Variants in KIF1A observed in about 807,000 individuals in gnomAD.
KIF1A encodes kinesin-like protein KIF1A.
A neutral mutation model predicts 227.3 loss-of-function variants in KIF1A; 46 were observed. That is an observed-to-expected ratio of 0.20 (90% CI 0.16 to 0.26). The LOEUF is 0.26. Ranked by LOEUF, KIF1A falls within the 10% of genes least tolerant of loss-of-function variation. The probability of loss-of-function intolerance (pLI) is 1.00; values close to 1 mark genes in which losing one functional copy is unlikely to be tolerated. For missense variants in KIF1A, 1,683 were observed against 2,485.9 expected (o/e 0.68, Z 6.87); for synonymous variants, 1,022 against 1,012.8 (o/e 1.01, Z -0.17).
intron 27 of KIF1A, among the ~76,000 whole-genome samples, chr2:240,756,487 A>G (rs965243712): frequency 6.6e-6 from 1 of 152,184 alleles, no homozygotes; most frequent in African/African-American, 2.4e-5. Context: ...CCCAGCCTCC[A>G]TTCTGTCTCC....
intron 38 of KIF1A, among the ~76,000 whole-genome samples, chr2:240,734,148 C>T (rs1311870407): frequency 6.6e-6 from 1 of 152,276 alleles, no homozygotes; most frequent in Non-Finnish European, 1.5e-5. Flanking sequence ...GTCCCTCCTC[C>T]TGGCCTGGCC....
chr2:240,758,932 C>T lies in KIF1A; in HGVS notation c.2445-435G>A, dbSNP rs1336957469. 2.6e-5 allele frequency among the ~76,000 whole-genome samples: 4 copies of T among 152,144 alleles called. No homozygotes were observed. The highest frequency in any genetic ancestry group is 4.4e-5 in the Non-Finnish European group (3 of 68,030). On this transcript the variant is annotated intron_variant, in intron 25 of 48. Transcript: ENST00000498729. The surrounding 1 kb of genome is among the most constrained non-coding windows in gnomAD (Gnocchi z 5.2). ...GGGACACAGAAGACAGAGAAAATAG[C>T]CTACAAATTATTATTCCCAAGAAAA...
chr2:240,767,369 C>G (rs2051337902), intron 17 of KIF1A, 24 bp from the exon 18 acceptor site: 1 of 1,600,074 alleles, frequency 6.2e-7, no homozygotes, highest in African/African-American at 1.3e-5. Context: ...GGAGGATCAT[C>G]TCTCTTGCAG....
chr2:240,720,994 G>A lies in KIF1A; in HGVS notation c.4788C>T (p.Ser1596=), dbSNP rs1441448320. 2.5e-6 allele frequency: 4 copies of A among 1,610,418 alleles called. No homozygotes were observed. Among genetic ancestry groups the A allele is most frequent in the African/African-American group, 2.7e-5 (2 of 74,920 alleles). ...GGGTGAGAGTGGCCACCCCTAGAGG[G>A]GACATCGACGGGTCCCGGAGCAGGG... The part of the protein sequence containing the change: ...SVTLLRDPSM[S]PLGVATLTPS... The change falls in exon 45 of 49, where the codon TCC becomes TCT. Residue 1596 remains serine (S), a synonymous_variant. Coordinates refer to ENST00000498729, the MANE Select transcript of KIF1A (RefSeq NM_001244008.2).
intron 29 of KIF1A, among the ~76,000 whole-genome samples, chr2:240,746,428 G>A (rs1004173425): frequency 1.3e-5 from 2 of 152,212 alleles, no homozygotes; most frequent in Non-Finnish European, 2.9e-5. Flanking sequence ...AGCTGTCCTG[G>A]AAACAACTCA....
chr2:240,821,084 G>A (rs1267268085), upstream of KIF1A, among the ~76,000 whole-genome samples: 1 of 151,508 alleles, frequency 6.6e-6, no homozygotes, highest in African/African-American at 2.4e-5. Flanking sequence ...CCCAGGGCTG[G>A]GCAACTTCGA....
rs545957742 is a variant in KIF1A, at chr2:240,797,836, T to A, written c.-60-24A>T. On this transcript the variant is annotated intron_variant, in intron 1 of 48. Coordinates refer to ENST00000498729, the MANE Select transcript of KIF1A (RefSeq NM_001244008.2). ...ACCTTGGAAAAAAGGGAAACATGAA[T>A]TAGAAACAATATCTGAGGAGGCAGG... 2.4e-3 allele frequency: 1,963 copies of A among 810,072 alleles called. 10 individuals are homozygous for A. The highest frequency in any genetic ancestry group is 0.011 in the Middle Eastern group (47 of 4,408). The allele number at this position is 810,072 out of a possible 1,614,324, so 50.2% of individuals were successfully genotyped here.
At chr2:240,755,419 G>A (rs1347572845) in intron 27 of KIF1A, among the ~76,000 whole-genome samples, 1 of 152,222 alleles carries the variant, frequency 6.6e-6, no homozygotes, top group African/African-American at 2.4e-5. Context: ...GGGACCCAGG[G>A]AAGCCTTTCC....
chr2:240,741,198 A>G lies in KIF1A; in HGVS notation c.3749+71T>C, dbSNP rs973932004. ...GATGCTGGCAACCCTCAGGCAGCTCAAGTCCTCGTCCCTCTCCGCGCACCC... is the reference window on the plus strand; with the variant it reads ...GATGCTGGCAACCCTCAGGCAGCTCGAGTCCTCGTCCCTCTCCGCGCACCC... On this transcript the variant is annotated intron_variant, in intron 35 of 48. Coordinates refer to ENST00000498729, the MANE Select transcript of KIF1A (RefSeq NM_001244008.2). 23 of 1,052,356 alleles carry G rather than the reference A, an allele frequency of 2.2e-5. No homozygotes were observed. The African/African-American group carries it at 2.5e-4, about 12-fold the overall frequency. The allele number at this position is 1,052,356 out of a possible 1,614,324, so 65.2% of individuals were successfully genotyped here.
chr2:240,796,661 A>C (rs1263942136), intron 2 of KIF1A, among the ~76,000 whole-genome samples: 1 of 152,230 alleles, frequency 6.6e-6, no homozygotes, highest in Admixed American at 6.5e-5. Flanking sequence ...CATACCCTGG[A>C]GTTTAGCAGG....
Position 240,782,623 on chromosome 2 carries a change from C to T in KIF1A, c.865-16G>A. 6.4e-7 allele frequency: 1 copy of T among 1,551,712 alleles called. No individual in the cohort carries two copies. Reference sequence around the variant, plus strand: ...GTCCGGAGTCCTGAAAAGGAAAAGACAGAGAGAGGCTGAGGCCCGGAGCGA... The same window carrying T: ...GTCCGGAGTCCTGAAAAGGAAAAGATAGAGAGAGGCTGAGGCCCGGAGCGA... On this transcript the variant is annotated splice_polypyrimidine_tract_variant and intron_variant, in intron 9 of 48. Transcript: ENST00000498729.
chr2:240,779,114 T>C (rs2053188845), intron 10 of KIF1A, among the ~76,000 whole-genome samples: 1 of 147,290 alleles, frequency 6.8e-6, no homozygotes, highest in Non-Finnish European at 1.5e-5. Flanking sequence ...CCTCACTCAG[T>C]TCCTCATAGT....
At position 240,761,332 on chromosome 2, in the gene KIF1A, C is replaced by T. The variant is rs1159860840; in HGVS notation, c.2162G>A (p.Arg721Gln). 15 of 1,613,530 alleles carry T rather than the reference C, an allele frequency of 9.3e-6. No individual in the cohort carries two copies. Among genetic ancestry groups the T allele is most frequent in the Non-Finnish European group, 1.0e-5 (12 of 1,179,660 alleles). ...RECELALWAFRKWKWYQFTSL... is the reference protein window; with the variant it reads ...RECELALWAFQKWKWYQFTSL... ...CGTGAACTGGTACCACTTCCACTTC[C>T]GGAAGGCCCAGAGCGCCAGCTCACA... The change falls in exon 24 of 49, where the codon CGG (arginine) becomes CAG (glutamine). Residue 721 changes from arginine (R) to glutamine (Q), a missense_variant. Physicochemically the swap from Arg to Gln is conservative, Grantham distance 43. Around this residue, in one of 12 missense-constraint regions of KIF1A, gnomAD observed 217 missense variants for 427.0 expected, o/e 0.51. Transcript: ENST00000498729.
intron 10 of KIF1A, among the ~76,000 whole-genome samples, chr2:240,780,421 C>A (rs912013224): frequency 6.6e-6 from 1 of 152,100 alleles, no homozygotes; most frequent in African/African-American, 2.4e-5. Flanking sequence ...ACACACTTCC[C>A]GCCTGCTTCC....
intron 27 of KIF1A, among the ~76,000 whole-genome samples, chr2:240,753,024 C>T (rs542357522): frequency 2.6e-4 from 39 of 152,338 alleles, no homozygotes; most frequent in Non-Finnish European, 5.1e-4. Context: ...TAGGGCAATT[C>T]CACAGGGGCT....
At chr2:240,743,034 G>A (rs775209513) in intron 33 of KIF1A, 50 bp from the exon 34 acceptor site, 8 of 1,473,158 alleles carry the variant, frequency 5.4e-6, no homozygotes, top group Non-Finnish European at 2.8e-6. Context: ...TGGGCGGGAG[G>A]GGTCAGAAGG....
intron 12 of KIF1A, among the ~76,000 whole-genome samples, chr2:240,773,896 G>A (rs1413803435): frequency 6.6e-6 from 1 of 152,160 alleles, no homozygotes; most frequent in Non-Finnish European, 1.5e-5. Flanking sequence ...GCAGGTGAGT[G>A]TAAACTGCTT....
intron 31 of KIF1A, 53 bp from the exon 32 acceptor site, chr2:240,745,570 C>A (rs2048495633): frequency 2.0e-6 from 3 of 1,533,896 alleles, no homozygotes. Flanking sequence ...GGGATGAGAC[C>A]TTACCAGGTG....
rs547232391 is a variant in KIF1A, at chr2:240,733,347, C to T, written c.4007+3716G>A. Among the ~76,000 whole-genome samples the T allele has an allele frequency of 3.0e-4, 45 of 152,260 alleles. 1 individual carries two copies. The highest frequency in any genetic ancestry group is 2.7e-3 in the Admixed American group (41 of 15,304). ...CTAGCTAGCACGATGCCATCTCCTC[C>T]TCCTGCAAGCCCGCCAGACTCACTG... On this transcript the variant is annotated intron_variant, in intron 38 of 48. Coordinates refer to ENST00000498729, the MANE Select transcript of KIF1A (RefSeq NM_001244008.2).
Sources: gnomAD v4.1 joint callset for allele counts (sites outside exome capture counted in the v4.1 genomes callset) on GRCh38, gnomAD v4.1.1 for gene constraint, gnomAD v4.1.1 regional missense constraint, Gnocchi (gnomAD v3.1) non-coding constraint, MANE v1.5 for transcripts, NCBI Gene and HGNC (gene_info 2026-07-23, HGNC 2026-07-21) for gene names.